Variants in TBC1D7 observed in about 807,000 individuals in gnomAD.
TBC1D7 encodes the protein TBC domain family 7.
TBC1D7 carries 33 observed loss-of-function variants against 35.3 expected under a neutral mutation model. That is an observed-to-expected ratio of 0.93 (90% confidence interval 0.71 to 1.25). TBC1D7 has a LOEUF of 1.25. Ranked by LOEUF, TBC1D7 falls within the 50% of genes most tolerant of loss-of-function variation. TBC1D7 has a pLI of 0.00. For missense variants in TBC1D7, 362 were observed against 365.3 expected (o/e 0.99, Z 0.07); for synonymous variants, 135 against 129.5 (o/e 1.04, Z -0.29).
chr6:13,317,865 T>G (rs1783746553), intron 4 of TBC1D7, among the ~76,000 whole-genome samples: 2 of 152,246 alleles, frequency 1.3e-5, no homozygotes, highest in South Asian at 4.1e-4. Context: ...GGGCGCTAAG[T>G]AGGTGCTACG....
intron 5 of TBC1D7, among the ~76,000 whole-genome samples, chr6:13,312,997 A>AT (rs1239221596): frequency 6.6e-6 from 1 of 152,124 alleles, no homozygotes; most frequent in Non-Finnish European, 1.5e-5. Flanking sequence ...ACAGACACAG[A>AT]TTTCTTTGTC....
intron 5 of TBC1D7, among the ~76,000 whole-genome samples, chr6:13,312,647 G>A (rs1356016182): frequency 6.1e-5 from 9 of 147,050 alleles, no homozygotes; most frequent in East Asian, 4.0e-4. Context: ...AGCTGAGATC[G>A]CACCACTGCA....
chr6:13,318,628 T>C (rs113330019), intron 4 of TBC1D7: 7 of 152,214 alleles, frequency 4.6e-5, no homozygotes, highest in African/African-American at 1.7e-4. Context: ...TACCTCATCA[T>C]TAACGTCAAA....
intron 5 of TBC1D7, 131 bp downstream of exon 5, chr6:13,316,440 A>G: frequency 1.0e-6 from 1 of 988,402 alleles, no homozygotes; most frequent in Non-Finnish European, 1.5e-6. Flanking sequence ...CTTTTACAGA[A>G]AACGCTTGCT....
chr6:13,308,112 A>G (rs1782935950), intron 5 of TBC1D7, among the ~76,000 whole-genome samples: 1 of 152,238 alleles, frequency 6.6e-6, no homozygotes, highest in African/African-American at 2.4e-5. Context: ...AAGGCCCATT[A>G]TATTACTGGC....
chr6:13,322,653 G>C (rs1584567391), intron 3 of TBC1D7, among the ~76,000 whole-genome samples: 1 of 152,092 alleles, frequency 6.6e-6, no homozygotes, highest in Admixed American at 6.5e-5. Flanking sequence ...AACAATAGTA[G>C]CTAACATGAT....
intron 5 of TBC1D7, among the ~76,000 whole-genome samples, chr6:13,308,202 A>C (rs903724990): frequency 6.6e-6 from 1 of 152,206 alleles, no homozygotes; most frequent in African/African-American, 2.4e-5. Context: ...GAGTGGGATT[A>C]GAGTGGGGAG....
At chr6:13,306,275 CTAAGG>C in intron 7 of TBC1D7, 118 bp downstream of exon 7, 1 of 704,130 alleles carries the variant, frequency 1.4e-6, no homozygotes, top group Non-Finnish European at 2.2e-6. Flanking sequence ...CTGAAACATT[CTAAGG>C]TATTATTTCT....
intron 3 of TBC1D7, among the ~76,000 whole-genome samples, chr6:13,323,332 C>CA (rs1192258196): frequency 6.6e-6 from 1 of 151,534 alleles, no homozygotes; most frequent in Non-Finnish European, 1.5e-5. Flanking sequence ...GCCTGGGTGA[C>CA]AGAGCAAAAC....
At chr6:13,307,284 C>G (rs1389968682) in intron 6 of TBC1D7, 2 of 225,960 alleles carry the variant, frequency 8.9e-6, no homozygotes, top group Non-Finnish European at 1.8e-5. Flanking sequence ...CATGATGAAA[C>G]TAACACTAAG....
rs1783644963 is a variant in TBC1D7, at chr6:13,316,652, T to G, written c.438A>C (p.Glu146Asp). 3.1e-6 allele frequency: 5 copies of G among 1,614,016 alleles called. No individual in the cohort carries two copies. The highest frequency in any genetic ancestry group is 4.2e-6 in the Non-Finnish European group (5 of 1,180,008). ...TGATCCAGTAACAGTCGACACTATC[T>G]TCCACCATTTCCTCCATGGCTTTAG... is the stretch of plus-strand genomic sequence containing the variant. The part of the protein sequence containing the change: ...AIAKAMEEMV[E>D]DSVDCYWITR... Residue 146 changes from glutamate (E) to aspartate (D), a missense_variant, in exon 5 of 8, where the codon GAA becomes GAC. By Grantham distance (45) the Glu-to-Asp change is conservative. Transcript: ENST00000379300.
At chr6:13,310,032 T>C (rs9395637) in intron 5 of TBC1D7, among the ~76,000 whole-genome samples, 12,703 of 152,238 alleles carry the variant, frequency 0.083, 1,702 homozygotes, top group African/African-American at 0.28. Context: ...TGACATACCA[T>C]GTTGGCAAGG....
At chr6:13,308,914 G>C (rs1562157936) in intron 5 of TBC1D7, among the ~76,000 whole-genome samples, 1 of 152,190 alleles carries the variant, frequency 6.6e-6, no homozygotes, top group Non-Finnish European at 1.5e-5. Flanking sequence ...GTACATCCAG[G>C]AGAAAATCCT....
chr6:13,317,044 G>A (rs1489440795), intron 4 of TBC1D7, among the ~76,000 whole-genome samples: 2 of 152,186 alleles, frequency 1.3e-5, no homozygotes, highest in Non-Finnish European at 2.9e-5. Context: ...AGTACTAGGT[G>A]AGGATATCTT....
At chr6:13,305,412 G>A (rs529652489) in intron 7 of TBC1D7, among the ~76,000 whole-genome samples, 19 of 152,230 alleles carry the variant, frequency 1.2e-4, no homozygotes, top group African/African-American at 3.6e-4. Context: ...GTGCACCCCC[G>A]GGCAGGTTAC....
At chr6:13,321,392 C>T (rs1784035368) in intron 3 of TBC1D7, among the ~76,000 whole-genome samples, 1 of 152,216 alleles carries the variant, frequency 6.6e-6, no homozygotes, top group African/African-American at 2.4e-5. Flanking sequence ...GCAACCACAT[C>T]AATCCTAACA....
rs80189640 is a variant in TBC1D7, at chr6:13,316,677, G to T, written c.413C>A (p.Ala138Asp). 3.3e-3 allele frequency: 5,389 copies of T among 1,614,066 alleles called. 11 individuals are homozygous for T. Among genetic ancestry groups the T allele is most frequent in the Admixed American group, 4.2e-3 (255 of 60,016 alleles). Residue 138 changes from alanine (A) to aspartate (D), a missense_variant, in exon 5 of 8, where the codon GCT (alanine) becomes GAT (aspartate). Coordinates refer to ENST00000379300, the MANE Select transcript of TBC1D7 (RefSeq NM_016495.6). ...EPDDEVFLAI[A>D]KAMEEMVEDS... Reference sequence around the variant, plus strand: ...TTCCACCATTTCCTCCATGGCTTTAGCTATGGCAAGAAACACTTCATCATC... The same window carrying T: ...TTCCACCATTTCCTCCATGGCTTTATCTATGGCAAGAAACACTTCATCATC...
At chr6:13,307,836 GA>G in intron 5 of TBC1D7, 91 bp from the exon 6 acceptor site, 1 of 1,341,778 alleles carries the variant, frequency 7.5e-7, no homozygotes, top group Non-Finnish European at 1.0e-6. Context: ...AGTACATGCT[GA>G]ATTCAAGGAA....
intron 7 of TBC1D7, chr6:13,305,513 A>T: frequency 2.6e-6 from 1 of 382,752 alleles, no homozygotes; most frequent in Non-Finnish European, 4.8e-6. Flanking sequence ...ACATGAGGTA[A>T]CCCATGGAAA....
Sources: allele counts gnomAD v4.1 joint callset (sites outside exome capture counted in the v4.1 genomes callset), GRCh38; gene constraint gnomAD v4.1.1; transcripts MANE v1.5; gene names NCBI Gene and HGNC (gene_info 2026-07-23, HGNC 2026-07-21).